The following MED12L variants were observed in gnomAD, a reference collection of about 807,000 sequenced individuals.
MED12L encodes the protein mediator complex subunit 12L.
MED12L carries 60 observed loss-of-function variants against 281.3 expected under a neutral mutation model. The observed-to-expected ratio is 0.21, with a 90% CI of 0.17 to 0.26. MED12L has a LOEUF of 0.26. Ranked by LOEUF, MED12L falls within the 10% of genes least tolerant of loss-of-function variation. The pLI, the probability that MED12L is intolerant of heterozygous loss-of-function variation, is 1.00. For synonymous variants in MED12L, 974 were observed against 987.2 expected (o/e 0.99, Z 0.25); for missense variants, 2,146 against 2,680.9 (o/e 0.80, Z 4.41).
At chr3:151,420,389 T>C (rs1577610532) in intron 43 of MED12L, among the ~76,000 whole-genome samples, 2 of 152,144 alleles carry the variant, frequency 1.3e-5, no homozygotes, top group African/African-American at 4.8e-5. Context: ...CTAGTGGCAG[T>C]GTTCCTCCCT....
chr3:151,234,375 T>C (rs1436644570), intron 16 of MED12L, among the ~76,000 whole-genome samples: 1 of 152,250 alleles, frequency 6.6e-6, no homozygotes, highest in Non-Finnish European at 1.5e-5. Context: ...GTCTAGGTAT[T>C]GCAAATAGTT....
At chr3:151,286,922 T>C (rs1439666968) in intron 16 of MED12L, among the ~76,000 whole-genome samples, 1 of 152,232 alleles carries the variant, frequency 6.6e-6, no homozygotes, top group Non-Finnish European at 1.5e-5. Flanking sequence ...TTGTCTGTTA[T>C]GCTTATTAAT....
At chr3:151,408,233 A>C (rs1423285313) in intron 39 of MED12L, among the ~76,000 whole-genome samples, 1 of 152,212 alleles carries the variant, frequency 6.6e-6, no homozygotes, top group Non-Finnish European at 1.5e-5. Flanking sequence ...TTGTGAGAAA[A>C]TGAGAGTAAG....
At chr3:151,285,990 C>A (rs913838934) in intron 16 of MED12L, among the ~76,000 whole-genome samples, 2 of 152,184 alleles carry the variant, frequency 1.3e-5, no homozygotes, top group Admixed American at 6.5e-5. Context: ...TATTTTGTTA[C>A]AGCAGCAGGA....
At chr3:151,140,784 A>G (rs1299036601) in intron 5 of MED12L, among the ~76,000 whole-genome samples, 1 of 152,030 alleles carries the variant, frequency 6.6e-6, no homozygotes, top group Non-Finnish European at 1.5e-5. Flanking sequence ...GGTTCAAGTC[A>G]TTCTCCTGCC....
intron 16 of MED12L, chr3:151,337,856 T>G (rs1751223731): frequency 6.2e-7 from 1 of 1,614,034 alleles, no homozygotes; most frequent in South Asian, 1.1e-5. Flanking sequence ...CACCATCCTG[T>G]TCTTTTTTCC....
chr3:151,364,053 A>G (rs139140244), intron 21 of MED12L, among the ~76,000 whole-genome samples: 160 of 152,310 alleles, frequency 1.1e-3, no homozygotes, highest in African/African-American at 3.4e-3. Flanking sequence ...TTTTGCTGCC[A>G]AAAACTTAAT....
chr3:151,365,558 C>T (rs1415530289), intron 22 of MED12L, among the ~76,000 whole-genome samples: 1 of 152,044 alleles, frequency 6.6e-6, no homozygotes, highest in Non-Finnish European at 1.5e-5. Context: ...TTTTTTGATG[C>T]CCTTAAAAAT....
chr3:151,380,074 T>A, intron 31 of MED12L, 39 bp from the exon 32 acceptor site: 1 of 1,285,544 alleles, frequency 7.8e-7, no homozygotes, highest in Non-Finnish European at 1.1e-6. Flanking sequence ...AATGCATTAT[T>A]TCTAACTAGA....
At chr3:151,146,865 A>G (rs1028930927) in intron 5 of MED12L, among the ~76,000 whole-genome samples, 5 of 151,514 alleles carry the variant, frequency 3.3e-5, no homozygotes, top group African/African-American at 1.2e-4. Flanking sequence ...TGATTTAACT[A>G]TCTGATCATT....
chr3:151,348,778 T>C (rs2150010711), intron 16 of MED12L, among the ~76,000 whole-genome samples: 1 of 152,228 alleles, frequency 6.6e-6, no homozygotes, highest in East Asian at 1.9e-4. Flanking sequence ...GTAACAGAAT[T>C]GGAGAGAGAA....
chr3:151,218,866 C>CAAAAAAAAAAA (rs397686351), intron 16 of MED12L, among the ~76,000 whole-genome samples: 3 of 71,334 alleles, frequency 4.2e-5, no homozygotes, highest in African/African-American at 8.9e-5. Context: ...GACTCAGTCT[C>CAAAAAAAAAAA]AAAAAAAAAA....
In MED12L at chr3:151,372,779, A is replaced by G; in HGVS notation, c.3864+13A>G. ...TATCTGTCAACAGGTATTCTAATTT[A>G]ATTTGCCTTTTACTTTGAGTACGTA... On this transcript the variant is annotated intron_variant, in intron 27 of 44. Coordinates refer to ENST00000687756, the MANE Select transcript of MED12L (RefSeq NM_001393769.1). The G allele has an allele frequency of 6.2e-7, 1 of 1,607,500 alleles. No homozygotes were observed. Among genetic ancestry groups the G allele is most frequent in the Admixed American group, 1.7e-5 (1 of 59,970 alleles).
In MED12L at chr3:151,198,387, C is replaced by T. The variant is rs1424575551; in HGVS notation, c.2250+4721C>T. The T allele has an allele frequency of 3.7e-6, 5 of 1,341,612 alleles. No homozygotes were observed. The African/African-American group carries it at 4.6e-5, about 12-fold the overall frequency. The allele number at this position is 1,341,612 out of a possible 1,614,324, so 83.1% of individuals were successfully genotyped here. A position where few individuals can be genotyped will look rare whatever the true frequency, so the allele number is the denominator to read the frequency against. On this transcript the variant is annotated intron_variant, in intron 16 of 44. Coordinates refer to ENST00000687756, the MANE Select transcript of MED12L (RefSeq NM_001393769.1). Reference sequence around the variant, plus strand: ...TCAAAGCTATAATTAACTTTATGGTCCAGTAAGGCCAGAATTGGTAGCACA... The same window carrying T: ...TCAAAGCTATAATTAACTTTATGGTTCAGTAAGGCCAGAATTGGTAGCACA...
chr3:151,414,486 C>T (rs1046136397), intron 42 of MED12L, among the ~76,000 whole-genome samples: 1 of 152,184 alleles, frequency 6.6e-6, no homozygotes, highest in Non-Finnish European at 1.5e-5. Flanking sequence ...TTATCCTTGA[C>T]ACTGGATAGA....
At chr3:151,193,789 T>A in intron 16 of MED12L, 123 bp downstream of exon 16, 2 of 795,944 alleles carry the variant, frequency 2.5e-6, no homozygotes, top group South Asian at 3.9e-5. Context: ...TTTTTTGCAT[T>A]TGCTCCTGCT....
intron 21 of MED12L, among the ~76,000 whole-genome samples, chr3:151,361,747 C>T (rs2150082087): frequency 6.6e-6 from 1 of 152,218 alleles, no homozygotes; most frequent in Non-Finnish European, 1.5e-5. Context: ...TCACCCCACT[C>T]AGAACATTCT....
At chr3:151,329,339 C>T in intron 16 of MED12L, 1 of 600,282 alleles carries the variant, frequency 1.7e-6, no homozygotes, top group South Asian at 2.3e-5. Flanking sequence ...ATTACTAATA[C>T]ATCAGATTGC....
rs1202199991 is a variant in MED12L, at chr3:151,385,011, C to G, written c.4927-19C>G. 1.5e-6 allele frequency: 2 copies of G among 1,301,028 alleles called. No homozygotes were observed. The highest frequency in any genetic ancestry group is 1.7e-5 in the Admixed American group (1 of 57,874). 80.6% of individuals were successfully genotyped at this position (1,301,028 alleles called of 1,614,324 possible). ...TTCTGTCCCACTTCTCACTCTCTCT[C>G]TCTCTCTTTTTTCTTTAGAAAGAGC... On this transcript the variant is annotated intron_variant, in intron 35 of 44. Transcript: ENST00000687756.
Sources: allele counts gnomAD v4.1 joint callset (sites outside exome capture counted in the v4.1 genomes callset), GRCh38; gene constraint gnomAD v4.1.1; transcripts MANE v1.5; gene names NCBI Gene and HGNC (gene_info 2026-07-23, HGNC 2026-07-21).